The following NTM variants were observed in gnomAD, a reference collection of about 807,000 sequenced individuals.
NTM encodes the protein neurotrimin, also known as IgLON family member 2.
In NTM, 13 loss-of-function variants were observed where a neutral mutation model predicts 42.1. That is an observed-to-expected ratio of 0.31 (90% CI 0.20 to 0.49). NTM has a LOEUF of 0.49. NTM is among the 20% of genes least tolerant of loss of function. The pLI is 0.99. For missense variants in NTM, 373 were observed against 452.8 expected (o/e 0.82, Z 1.60); for synonymous variants, 187 against 179.2 (o/e 1.04, Z -0.35).
intron 4 of NTM, among the ~76,000 whole-genome samples, chr11:132,267,660 A>T (rs2139637462): frequency 6.6e-6 from 1 of 152,124 alleles, no homozygotes; most frequent in East Asian, 1.9e-4. Context: ...TACTAAAAAT[A>T]GAAAAATTAT....
intron 1 of NTM, among the ~76,000 whole-genome samples, chr11:131,727,477 G>A (rs968016321): frequency 6.6e-6 from 1 of 152,106 alleles, no homozygotes; most frequent in Non-Finnish European, 1.5e-5. Context: ...TGTGAGAGCC[G>A]CTTCCTGCAG....
intron 1 of NTM, among the ~76,000 whole-genome samples, chr11:131,778,133 A>G (rs777939018): frequency 9.9e-5 from 15 of 152,236 alleles, no homozygotes; most frequent in African/African-American, 3.1e-4. Flanking sequence ...GGGCTGTTCA[A>G]TAATGTTAAG....
At chr11:131,891,371 G>A (rs368199949) in intron 1 of NTM, among the ~76,000 whole-genome samples, 1 of 152,164 alleles carries the variant, frequency 6.6e-6, no homozygotes, top group Non-Finnish European at 1.5e-5. Context: ...TCGAGATGAG[G>A]TATAAGACAG....
chr11:131,796,074 T>G, intron 1 of NTM: 1 of 985,358 alleles, frequency 1.0e-6, no homozygotes. Flanking sequence ...CAGGAAAGCG[T>G]AACTCACACT....
intron 2 of NTM, among the ~76,000 whole-genome samples, chr11:132,083,621 T>G (rs2059355665): frequency 6.6e-6 from 1 of 152,218 alleles, no homozygotes; most frequent in African/African-American, 2.4e-5. Context: ...GTAAGGGGAC[T>G]GTGTAGACAA....
At chr11:131,975,370 G>A (rs556741415) in intron 2 of NTM, among the ~76,000 whole-genome samples, 3 of 152,098 alleles carry the variant, frequency 2.0e-5, no homozygotes, top group Non-Finnish European at 4.4e-5. Context: ...AGTAGAGATA[G>A]GGTTTCACCA....
chr11:131,558,808 C>T (rs752531180), intron 1 of NTM, among the ~76,000 whole-genome samples: 9 of 152,054 alleles, frequency 5.9e-5, no homozygotes, highest in Admixed American at 2.0e-4. Flanking sequence ...TGGATCTCTG[C>T]GAGTGGCTTC....
chr11:131,601,585 C>T (rs1366528276), intron 1 of NTM, among the ~76,000 whole-genome samples: 1 of 151,670 alleles, frequency 6.6e-6, no homozygotes, highest in East Asian at 1.9e-4. Context: ...CCCCTTCCCT[C>T]TCCTTTTTTT....
chr11:132,189,634 C>G (rs928936312), intron 3 of NTM, among the ~76,000 whole-genome samples: 3 of 135,422 alleles, frequency 2.2e-5, no homozygotes, highest in Non-Finnish European at 3.1e-5. Flanking sequence ...CACTGATTCA[C>G]GGCAGATACA....
intron 1 of NTM, among the ~76,000 whole-genome samples, chr11:131,695,100 A>G (rs758208635): frequency 2.0e-5 from 3 of 152,210 alleles, no homozygotes; most frequent in Non-Finnish European, 4.4e-5. Flanking sequence ...TGCGTTGTCC[A>G]GGACATTCTC....
chr11:131,475,654 C>T (rs1952855254), intron 1 of NTM, among the ~76,000 whole-genome samples: 1 of 151,918 alleles, frequency 6.6e-6, no homozygotes, highest in South Asian at 2.1e-4. Flanking sequence ...AAATATTTTT[C>T]CTGAATAATG....
chr11:131,733,514 CCTTCCTTT>C lies in NTM; in HGVS notation c.83-178046_83-178039del, dbSNP rs1206954594. 1.6e-3 allele frequency among the ~76,000 whole-genome samples: 205 copies of C among 129,782 alleles called. 1 individual carries two copies. The highest frequency in any genetic ancestry group is 4.3e-3 in the South Asian group (17 of 3,992). 85.1% of individuals were successfully genotyped at this position (129,782 alleles called of 152,430 possible). A position where few individuals can be genotyped will look rare whatever the true frequency, so the allele number is the denominator to read the frequency against. ...TCCTTCCTTCCTTCCTTCCTTCCTT[CCTTCCTTT>C]CTTTCTTTCTTTCGTTGTTTTTTGA... On this transcript the variant is annotated intron_variant, in intron 1 of 8. Coordinates refer to ENST00000683400, the MANE Select transcript of NTM (RefSeq NM_001352005.2).
chr11:131,416,202 T>A (rs897132621), intron 1 of NTM, among the ~76,000 whole-genome samples: 42 of 152,072 alleles, frequency 2.8e-4, no homozygotes, highest in African/African-American at 1.0e-3. Context: ...TGTTTTTTTT[T>A]TTCTTCCCTT....
intron 3 of NTM, among the ~76,000 whole-genome samples, chr11:132,155,016 A>G (rs998256420): frequency 1.3e-5 from 2 of 152,114 alleles, no homozygotes; most frequent in Non-Finnish European, 2.9e-5. Flanking sequence ...TGGTAAACTC[A>G]GCTGGTGGGG....
At chr11:132,150,363 T>C (rs996798373) in intron 3 of NTM, among the ~76,000 whole-genome samples, 7 of 152,224 alleles carry the variant, frequency 4.6e-5, no homozygotes, top group Non-Finnish European at 8.8e-5. Context: ...CGGGAACAAA[T>C]ACCCAAACTA....
intron 1 of NTM, among the ~76,000 whole-genome samples, chr11:131,903,921 T>G (rs1275336939): frequency 1.3e-5 from 2 of 151,698 alleles, no homozygotes; most frequent in Admixed American, 6.6e-5. Flanking sequence ...ACCTTCTCAG[T>G]GACACACAGA....
At chr11:131,446,294 G>A (rs897621975) in intron 1 of NTM, among the ~76,000 whole-genome samples, 17 of 152,092 alleles carry the variant, frequency 1.1e-4, no homozygotes, top group African/African-American at 4.1e-4. Flanking sequence ...TCCCAGGCCC[G>A]GCTCAGCCTC....
chr11:131,375,656 A>T (rs1485064733), intron 1 of NTM, among the ~76,000 whole-genome samples: 1 of 152,162 alleles, frequency 6.6e-6, no homozygotes, highest in Non-Finnish European at 1.5e-5. Context: ...GGGGAGCACT[A>T]GGGAGGATGG....
At chr11:131,472,357 T>C (rs1952514444) in intron 1 of NTM, among the ~76,000 whole-genome samples, 1 of 152,190 alleles carries the variant, frequency 6.6e-6, no homozygotes, top group Non-Finnish European at 1.5e-5. Flanking sequence ...AATGGCTAGA[T>C]GTTTGAAAAA....
Sources: allele counts gnomAD v4.1 joint callset (sites outside exome capture counted in the v4.1 genomes callset), GRCh38; gene constraint gnomAD v4.1.1; transcripts MANE v1.5; gene names NCBI Gene and HGNC (gene_info 2026-07-23, HGNC 2026-07-21).